Variants in CSMD3 observed in about 807,000 individuals in gnomAD.
CSMD3 encodes CUB and sushi domain-containing protein 3.
In CSMD3, 177 loss-of-function variants were observed where a neutral mutation model predicts 435.2. The observed-to-expected ratio is 0.41, with a 90% CI of 0.36 to 0.46. The LOEUF (loss-of-function observed/expected upper bound fraction) is 0.46, where lower values mean the gene tolerates loss of function less well. Among genes scored for constraint, CSMD3 ranks in the 20% least tolerant of loss-of-function variants. The pLI, the probability that CSMD3 is intolerant of heterozygous loss-of-function variation, is 0.34. For missense variants in CSMD3, 4,265 were observed against 4,504.6 expected, an observed-to-expected ratio of 0.95 and a Z score of 1.52; for synonymous variants, 1,656 against 1,520.5, an observed-to-expected ratio of 1.09 and a Z score of -2.07.
intron 2 of CSMD3, among the ~76,000 whole-genome samples, chr8:113,305,756 A>G (rs1243570071): frequency 6.6e-6 from 1 of 152,248 alleles, no homozygotes; most frequent in Non-Finnish European, 1.5e-5. Flanking sequence ...CTATGCAATC[A>G]TTAATTTGAA....
Position 112,409,951 on chromosome 8 carries a change from C to T in CSMD3, c.5396-919G>A, listed in dbSNP as rs867385118. 9.2e-5 allele frequency among the ~76,000 whole-genome samples: 14 copies of T among 151,712 alleles called. 1 individual carries two copies. Among genetic ancestry groups the T allele is most frequent in the Middle Eastern group, 3.4e-3 (1 of 292 alleles). On this transcript the variant is annotated intron_variant, in intron 32 of 70. Coordinates refer to ENST00000297405, the MANE Select transcript of CSMD3 (RefSeq NM_198123.2). ...TAATTTTAATGAAAATTTAATAATG[C>T]CAAAGCAAGGTCACTTTTATAAATT...
chr8:112,642,225 C>G (rs1280203427), intron 20 of CSMD3, among the ~76,000 whole-genome samples: 2 of 151,930 alleles, frequency 1.3e-5, no homozygotes, highest in Non-Finnish European at 2.9e-5. Flanking sequence ...TAGGTGTGGA[C>G]TATGCTTTAT....
At chr8:112,596,154 T>C (rs950286676) in intron 22 of CSMD3, among the ~76,000 whole-genome samples, 39 of 151,132 alleles carry the variant, frequency 2.6e-4, no homozygotes, top group African/African-American at 8.7e-4. Context: ...AGGCTCAAAA[T>C]AAAAGGATGG....
chr8:113,340,106 C>G (rs2094107973), intron 1 of CSMD3, among the ~76,000 whole-genome samples: 1 of 151,820 alleles, frequency 6.6e-6, no homozygotes, highest in Admixed American at 6.6e-5. Context: ...GTTTGTTCCT[C>G]TATTATTTGT....
chr8:112,891,076 T>C (rs1342214251), intron 10 of CSMD3, among the ~76,000 whole-genome samples: 2 of 151,666 alleles, frequency 1.3e-5, no homozygotes, highest in East Asian at 3.9e-4. Flanking sequence ...ATGATTATTC[T>C]CATTTTTACA....
At chr8:113,187,387 GA>G (rs1417984452) in intron 3 of CSMD3, among the ~76,000 whole-genome samples, 2 of 151,410 alleles carry the variant, frequency 1.3e-5, no homozygotes, top group East Asian at 2.0e-4. Flanking sequence ...AAAGAGACTG[GA>G]AAAAAAATCA....
chr8:113,317,817 A>C (rs1396928495), intron 1 of CSMD3, among the ~76,000 whole-genome samples: 1 of 152,120 alleles, frequency 6.6e-6, no homozygotes, highest in Non-Finnish European at 1.5e-5. Context: ...AAGTGATGTC[A>C]GTCATATTAT....
chr8:113,311,987 T>C (rs957668967), intron 2 of CSMD3: 1 of 152,174 alleles, frequency 6.6e-6, no homozygotes, highest in Non-Finnish European at 1.5e-5. Context: ...TTTATATTTG[T>C]ATATATTACA....
chr8:112,332,949 C>T (rs752510552), intron 45 of CSMD3, among the ~76,000 whole-genome samples: 8 of 152,066 alleles, frequency 5.3e-5, no homozygotes, highest in Non-Finnish European at 1.0e-4. Flanking sequence ...TAAAATTGCC[C>T]ATAGGATTTT....
chr8:112,883,667 A>G (rs933548238), intron 10 of CSMD3, among the ~76,000 whole-genome samples: 2 of 151,932 alleles, frequency 1.3e-5, no homozygotes, highest in African/African-American at 4.8e-5. Flanking sequence ...ATCATGGTAC[A>G]TTTGTCAAAA....
chr8:112,601,693 G>A (rs1832363635), intron 22 of CSMD3, among the ~76,000 whole-genome samples: 1 of 152,096 alleles, frequency 6.6e-6, no homozygotes. Context: ...AGATTCAGGG[G>A]AAAGAAGGCA....
chr8:112,550,336 T>A (rs1827567025), intron 27 of CSMD3, among the ~76,000 whole-genome samples: 1 of 152,012 alleles, frequency 6.6e-6, no homozygotes, highest in African/African-American at 2.4e-5. Flanking sequence ...TCTGCAAAAC[T>A]TCATATTTTA....
chr8:112,555,687 T>C (rs72676650), intron 25 of CSMD3, among the ~76,000 whole-genome samples: 322 of 152,138 alleles, frequency 2.1e-3, no homozygotes, highest in Admixed American at 3.2e-3. Context: ...TCAAAACCAC[T>C]ACGCAATTAG....
chr8:112,723,525 A>G lies in CSMD3; in HGVS notation c.1973-33475T>C, dbSNP rs190669518. Among the ~76,000 whole-genome samples, 17 of 152,268 alleles carry G rather than the reference A, an allele frequency of 1.1e-4. No individual in the cohort carries two copies. The East Asian group carries it at 3.1e-3, about 28-fold the overall frequency. On this transcript the variant is annotated intron_variant, in intron 13 of 70. Transcript: ENST00000297405. ...AAATGTCAACAACAGTAACTTTTCT[A>G]TGTTGCCAAGAAGTGGGGCTATTAT...
chr8:112,569,125 T>C (rs544796061), intron 24 of CSMD3, among the ~76,000 whole-genome samples: 1 of 152,288 alleles, frequency 6.6e-6, no homozygotes, highest in Admixed American at 6.5e-5. Context: ...AAAGATTTTG[T>C]ATTTCTGATA....
At chr8:112,436,688 T>C (rs1814392792) in intron 32 of CSMD3, among the ~76,000 whole-genome samples, 1 of 151,802 alleles carries the variant, frequency 6.6e-6, no homozygotes, top group Non-Finnish European at 1.5e-5. Flanking sequence ...AACAACTGTG[T>C]ATACATATAC....
chr8:113,147,275 T>C (rs1345302930), intron 4 of CSMD3, among the ~76,000 whole-genome samples: 1 of 151,694 alleles, frequency 6.6e-6, no homozygotes, highest in Non-Finnish European at 1.5e-5. Flanking sequence ...ATAATGGGGA[T>C]AAAGAAATAT....
chr8:112,645,080 T>A (rs1215825086), intron 20 of CSMD3, 29 bp downstream of exon 20: 1 of 1,065,214 alleles, frequency 9.4e-7, no homozygotes, highest in African/African-American at 1.6e-5. Flanking sequence ...CAGAAGATAG[T>A]CCAATTATTA....
intron 7 of CSMD3, among the ~76,000 whole-genome samples, chr8:112,960,117 CT>C (rs981218929): frequency 2.0e-5 from 3 of 150,974 alleles, no homozygotes; most frequent in Non-Finnish European, 3.0e-5. Context: ...ATAAAGATGA[CT>C]TTTTTTTGTT....
Sources: gnomAD v4.1 joint callset for allele counts (sites outside exome capture counted in the v4.1 genomes callset) on GRCh38, gnomAD v4.1.1 for gene constraint, MANE v1.5 for transcripts, NCBI Gene and HGNC (gene_info 2026-07-23, HGNC 2026-07-21) for gene names.